Variants in NIBAN3 observed in about 807,000 individuals in gnomAD.
NIBAN3 encodes the protein niban apoptosis regulator 3, also known as protein Niban 3.
Under a neutral mutation model 76.4 loss-of-function variants are expected in NIBAN3, and 66 were observed. That is an observed-to-expected ratio of 0.86 (90% CI 0.71 to 1.06). NIBAN3 has a LOEUF of 1.06. Ranked by LOEUF, NIBAN3 falls within the 50% of genes least tolerant of loss-of-function variation. The probability of loss-of-function intolerance (pLI) is 0.00; values close to 1 mark genes in which losing one functional copy is unlikely to be tolerated. For synonymous variants in NIBAN3, 360 were observed against 355.2 expected (o/e 1.01, Z -0.15); for missense variants, 808 against 810.7 (o/e 1.00, Z 0.04).
chr19:17,544,960 G>A (rs1422024755), intron 12 of NIBAN3, among the ~76,000 whole-genome samples: 1 of 152,030 alleles, frequency 6.6e-6, no homozygotes. Flanking sequence ...GCACATGCCT[G>A]TAATAGCAGC....
At position 17,553,354 on chromosome 19, in the gene NIBAN3, C is replaced by T; in HGVS notation, c.*1456C>T. 6.2e-7 allele frequency: 1 copy of T among 1,614,036 alleles called. No homozygotes were observed. The highest frequency in any genetic ancestry group is 1.1e-5 in the South Asian group (1 of 91,086). On this transcript the variant is annotated 3_prime_UTR_variant, in exon 15 of 15. Transcript: ENST00000599164. Reference sequence around the variant, plus strand: ...GGTGTCAAGTTTCCTGGCTGGGAGACAAGCTTTTACCGACTTCCTCTGCTT... The same window carrying T: ...GGTGTCAAGTTTCCTGGCTGGGAGATAAGCTTTTACCGACTTCCTCTGCTT...
intron 14 of NIBAN3, among the ~76,000 whole-genome samples, chr19:17,550,930 T>C (rs929185552): frequency 3.3e-5 from 5 of 149,888 alleles, no homozygotes; most frequent in African/African-American, 9.8e-5. Context: ...GTATGTGTGT[T>C]TGTCATTTCA....
chr19:17,524,042 C>G (rs1348342053), upstream of NIBAN3, among the ~76,000 whole-genome samples: 1 of 152,120 alleles, frequency 6.6e-6, no homozygotes. Context: ...GCACCCACCA[C>G]CACTCCCAGC....
At position 17,540,402 on chromosome 19, in the gene NIBAN3, G is replaced by C; in HGVS notation, c.990G>C (p.Arg330Ser). 1 of 1,497,568 alleles carries C rather than the reference G, an allele frequency of 6.7e-7. No homozygotes were observed. Among genetic ancestry groups the C allele is most frequent in the South Asian group, 1.3e-5 (1 of 76,168 alleles). The allele number at this position is 1,497,568 out of a possible 1,614,324, so 92.8% of individuals were successfully genotyped here. A position where few individuals can be genotyped will look rare whatever the true frequency, so the allele number is the denominator to read the frequency against. ...GTCTTCCACTCCCAGCGGATATCAGGGGACCGCTCGAGTCGTGCCTGCGCC... is the reference window on the plus strand; with the variant it reads ...GTCTTCCACTCCCAGCGGATATCAGCGGACCGCTCGAGTCGTGCCTGCGCC... ...RVAGRLRTDI[R>S]GPLESCLRRE... Residue 330 changes from arginine (R) to serine (S), a missense_variant, in exon 9 of 15, where the codon AGG (arginine) becomes AGC (serine). By Grantham distance (110) the Arg-to-Ser change is moderately radical. Transcript: ENST00000599164.
In NIBAN3 at chr19:17,539,715, A is replaced by T. The variant is rs775160736; in HGVS notation, c.929A>T (p.Asp310Val). Residue 310 changes from aspartate (D) to valine (V), a missense_variant, in exon 8 of 15, where the codon GAC becomes GTC. By Grantham distance (152) the Asp-to-Val change is radical (BLOSUM62 -3). Transcript: ENST00000599164. ...TCGCTGGAGAAGACGATCCGCCCGG[A>T]CGTGGACCAGCTGCTGCGGCAGCGG... ...LASLEKTIRP[D>V]VDQLLRQRAR... 70 of 1,547,528 alleles carry T rather than the reference A, an allele frequency of 4.5e-5. No homozygotes were observed. Among genetic ancestry groups the T allele is most frequent in the Non-Finnish European group, 5.5e-5 (63 of 1,147,458 alleles).
At chr19:17,551,321 C>T (rs569822145) in intron 14 of NIBAN3, among the ~76,000 whole-genome samples, 3 of 151,608 alleles carry the variant, frequency 2.0e-5, no homozygotes, top group Non-Finnish European at 4.4e-5. Context: ...TTTTGAACTC[C>T]TGACCTCAGG....
chr19:17,531,326 AACACACACAC>A (rs35489460), intron 2 of NIBAN3, among the ~76,000 whole-genome samples: 1,854 of 129,076 alleles, frequency 0.014, 41 homozygotes, highest in African/African-American at 0.048. Context: ...GACTCTGTCA[AACACACACAC>A]ACACACACAC....
intron 1 of NIBAN3, among the ~76,000 whole-genome samples, chr19:17,528,758 G>A (rs1313753902): frequency 6.6e-6 from 1 of 152,108 alleles, no homozygotes; most frequent in South Asian, 2.1e-4. Context: ...GGGCTTCTGT[G>A]CCCAAGGTGA....
intron 12 of NIBAN3, 23 bp from the exon 13 acceptor site, chr19:17,546,663 C>T: frequency 6.6e-7 from 1 of 1,517,526 alleles, no homozygotes; most frequent in Non-Finnish European, 8.8e-7. Flanking sequence ...TCCATCCGAG[C>T]CCCTAACCCG....
chr19:17,546,834 C>T (rs1489282980), intron 13 of NIBAN3, 37 bp downstream of exon 13: 16 of 1,559,596 alleles, frequency 1.0e-5, no homozygotes, highest in African/African-American at 4.1e-5. Context: ...AGGAGCCTGG[C>T]GTCCCTTGGC....
At chr19:17,544,766 C>T (rs1040116522) in intron 12 of NIBAN3, among the ~76,000 whole-genome samples, 2 of 152,140 alleles carry the variant, frequency 1.3e-5, no homozygotes, top group Admixed American at 6.5e-5. Flanking sequence ...GACATGGGTA[C>T]AAACAGAATC....
intron 12 of NIBAN3, 113 bp from the exon 13 acceptor site, chr19:17,546,573 C>A: frequency 3.1e-6 from 4 of 1,299,934 alleles, no homozygotes; most frequent in Non-Finnish European, 3.9e-6. Flanking sequence ...GGCCCAAGCC[C>A]CGCCCCCCAA....
Position 17,539,738 on chromosome 19 carries a change from C to A in NIBAN3, c.952C>A (p.Arg318=). 6.5e-7 allele frequency: 1 copy of A among 1,539,996 alleles called. No homozygotes were observed. The highest frequency in any genetic ancestry group is 8.7e-7 in the Non-Finnish European group (1 of 1,144,708). The change falls in exon 8 of 15, where the codon CGG becomes AGG. Residue 318 remains arginine, a synonymous_variant. Transcript: ENST00000599164. ...GGACGTGGACCAGCTGCTGCGGCAG[C>A]GGGCGCGTGTGGCGGGGCGGCTGAG... The part of the protein sequence containing the change: ...RPDVDQLLRQ[R]ARVAGRLRTD...
intron 4 of NIBAN3, among the ~76,000 whole-genome samples, chr19:17,534,918 C>T (rs1293956205): frequency 2.0e-5 from 3 of 152,164 alleles, no homozygotes; most frequent in Admixed American, 1.3e-4. Context: ...CAGGCAGGCC[C>T]ATCACTAACT....
chr19:17,550,027 C>T (rs1202452103), intron 14 of NIBAN3, among the ~76,000 whole-genome samples: 3 of 151,988 alleles, frequency 2.0e-5, no homozygotes, highest in African/African-American at 7.2e-5. Flanking sequence ...ACCATGTTGG[C>T]CAGGCTGGTC....
chr19:17,553,804 C>A (rs1418863638), downstream of NIBAN3: 5 of 418,398 alleles, frequency 1.2e-5, no homozygotes, highest in Non-Finnish European at 2.2e-5. Context: ...CTTGTCACCT[C>A]CTTTTTCTTA....
At chr19:17,541,031 G>A (rs1403410131) in intron 9 of NIBAN3, among the ~76,000 whole-genome samples, 1 of 152,022 alleles carries the variant, frequency 6.6e-6, no homozygotes, top group East Asian at 1.9e-4. Flanking sequence ...CCACCGCACT[G>A]GCCATGGAAC....
At chr19:17,549,247 C>T (rs1017007974) in intron 13 of NIBAN3, among the ~76,000 whole-genome samples, 197 bp from the exon 14 acceptor site, 1 of 152,126 alleles carries the variant, frequency 6.6e-6, no homozygotes, top group Non-Finnish European at 1.5e-5. Flanking sequence ...GTGGGACTGG[C>T]AGTGTCCAGG....
chr19:17,555,508 C>G, downstream of NIBAN3: 1 of 338,076 alleles, frequency 3.0e-6, no homozygotes, highest in Non-Finnish European at 4.7e-6. Flanking sequence ...AAGATCGGTG[C>G]GGGGGCGGGG....
Sources: allele counts gnomAD v4.1 joint callset (sites outside exome capture counted in the v4.1 genomes callset), GRCh38; gene constraint gnomAD v4.1.1; transcripts MANE v1.5; gene names NCBI Gene and HGNC (gene_info 2026-07-23, HGNC 2026-07-21).